Variants in IL7 observed in about 807,000 individuals in gnomAD.
IL7 encodes interleukin-7.
IL7 carries 3 observed loss-of-function variants against 21.6 expected under a neutral mutation model. The observed-to-expected ratio is 0.14, with a 90% CI of 0.06 to 0.36. The LOEUF (loss-of-function observed/expected upper bound fraction) is 0.36. Ranked by LOEUF, IL7 falls within the 10% of genes least tolerant of loss-of-function variation. The pLI is 1.00. For missense variants in IL7, 175 were observed against 200.2 expected, an observed-to-expected ratio of 0.87 and a Z score of 0.76; for synonymous variants, 62 against 68.1, an observed-to-expected ratio of 0.91 and a Z score of 0.44.
At chr8:78,735,738 G>A (rs1190686870) in intron 5 of IL7, among the ~76,000 whole-genome samples, 1 of 152,088 alleles carries the variant, frequency 6.6e-6, no homozygotes, top group African/African-American at 2.4e-5. Flanking sequence ...ATCTCAGAGT[G>A]TACAGGCTCA....
intron 3 of IL7, among the ~76,000 whole-genome samples, chr8:78,706,072 G>A (rs1003905985): frequency 2.0e-5 from 3 of 152,140 alleles, no homozygotes; most frequent in African/African-American, 7.2e-5. Flanking sequence ...AATCCTCTCT[G>A]CCTCTGGTTG....
intron 2 of IL7, among the ~76,000 whole-genome samples, chr8:78,773,393 A>C (rs1312972027): frequency 2.0e-5 from 3 of 152,282 alleles, no homozygotes; most frequent in Non-Finnish European, 2.9e-5. Flanking sequence ...ACGGTATTGA[A>C]CAAAGGATGT....
chr8:78,760,190 A>T, intron 2 of IL7: 2 of 1,541,140 alleles, frequency 1.3e-6, no homozygotes. Flanking sequence ...GCTCTGACTT[A>T]CTTGTATAGA....
chr8:78,744,242 G>C (rs1431283474), intron 2 of IL7, among the ~76,000 whole-genome samples: 1 of 152,086 alleles, frequency 6.6e-6, no homozygotes, highest in Non-Finnish European at 1.5e-5. Flanking sequence ...CTCTGTCCCA[G>C]GGAGTTTTCA....
rs555032856 is a variant in IL7, at chr8:78,787,740, C to T, written c.147+10332G>A. Reference sequence around the variant, plus strand: ...TGCTTTTCCCCAGTAGACATTTCCACGGCCTCTCTTCAAAGTGGAGTGTTA... The same window carrying T: ...TGCTTTTCCCCAGTAGACATTTCCATGGCCTCTCTTCAAAGTGGAGTGTTA... On this transcript the variant is annotated intron_variant, in intron 2 of 5. Transcript: ENST00000263851. Among the ~76,000 whole-genome samples the T allele has an allele frequency of 5.9e-5, 9 of 152,260 alleles. No individual in the cohort carries two copies. The South Asian group carries it at 6.2e-4, about 11-fold the overall frequency.
intron 3 of IL7, among the ~76,000 whole-genome samples, chr8:78,696,098 G>A (rs1810399142): frequency 6.6e-6 from 1 of 151,842 alleles, no homozygotes; most frequent in Non-Finnish European, 1.5e-5. Flanking sequence ...GCAGTGGCGT[G>A]ATCTCGGCTC....
intron 6 of IL7, chr8:78,719,003 A>C (rs1811186273): frequency 6.6e-6 from 1 of 151,742 alleles, no homozygotes; most frequent in Non-Finnish European, 1.5e-5. Context: ...TTGTCATTTT[A>C]CTTACAGTTT....
chr8:78,700,519 A>G (rs2130557965), intron 3 of IL7, among the ~76,000 whole-genome samples: 1 of 152,200 alleles, frequency 6.6e-6, no homozygotes, highest in East Asian at 1.9e-4. Context: ...ATTACAGCCC[A>G]TTTGTCAATT....
intron 3 of IL7, among the ~76,000 whole-genome samples, chr8:78,693,281 G>C (rs2130521415): frequency 6.6e-6 from 1 of 151,844 alleles, no homozygotes; most frequent in South Asian, 2.1e-4. Flanking sequence ...GGTATTTCTA[G>C]TTCTAGATCC....
intron 2 of IL7, among the ~76,000 whole-genome samples, chr8:78,741,469 A>C (rs1291556388): frequency 6.6e-6 from 1 of 152,224 alleles, no homozygotes; most frequent in African/African-American, 2.4e-5. Flanking sequence ...AAGAAGGTGA[A>C]ACGTGTAGCT....
At chr8:78,797,919 A>G (rs964700568) in intron 2 of IL7, 153 bp downstream of exon 2, 2 of 499,354 alleles carry the variant, frequency 4.0e-6, no homozygotes, top group Non-Finnish European at 7.1e-6. Flanking sequence ...GTCAGCTATA[A>G]AAATATACAG....
chr8:78,745,729 G>A (rs569597759), intron 2 of IL7, among the ~76,000 whole-genome samples: 1 of 152,322 alleles, frequency 6.6e-6, no homozygotes, highest in East Asian at 1.9e-4. Flanking sequence ...CAACAAATGA[G>A]AGGATGTTTT....
At position 78,805,044 on chromosome 8, in the gene IL7, G is replaced by A. The variant is rs1369803239; in HGVS notation, c.-122C>T. 4.7e-6 allele frequency: 5 copies of A among 1,057,570 alleles called. No individual in the cohort carries two copies. The East Asian group carries it at 1.4e-4, about 29-fold the overall frequency. 65.5% of individuals were successfully genotyped at this position (1,057,570 alleles called of 1,614,324 possible). ...GAGTTGCCGAGTCTGTGTTGGGCAG[G>A]GTGATCTCTGCAGCTGGTTCCTCTT... On this transcript the variant is annotated 5_prime_UTR_variant, in exon 1 of 6. Coordinates refer to ENST00000263851, the MANE Select transcript of IL7 (RefSeq NM_000880.4).
At chr8:78,704,615 T>C (rs1014792968) in intron 3 of IL7, among the ~76,000 whole-genome samples, 5 of 152,178 alleles carry the variant, frequency 3.3e-5, no homozygotes, top group African/African-American at 1.2e-4. Flanking sequence ...TGGGGTTCTC[T>C]ACATTTCCTG....
At chr8:78,792,870 T>G (rs958167799) in intron 2 of IL7, among the ~76,000 whole-genome samples, 9 of 152,130 alleles carry the variant, frequency 5.9e-5, no homozygotes, top group African/African-American at 2.2e-4. Context: ...TTGCAGTTTC[T>G]CAAAAAGTTT....
At chr8:78,740,866 A>G (rs1057351809) in intron 2 of IL7, among the ~76,000 whole-genome samples, 2 of 149,458 alleles carry the variant, frequency 1.3e-5, no homozygotes, top group Non-Finnish European at 3.0e-5. Flanking sequence ...TATGTGCGCT[A>G]TTTTTTTTTT....
chr8:78,704,156 C>T (rs964104050), intron 3 of IL7, among the ~76,000 whole-genome samples: 16 of 151,858 alleles, frequency 1.1e-4, no homozygotes, highest in Admixed American at 3.3e-4. Flanking sequence ...CCGAGGCGAG[C>T]GGATCACCTG....
chr8:78,699,311 G>A (rs939194101), intron 3 of IL7, among the ~76,000 whole-genome samples: 1 of 151,942 alleles, frequency 6.6e-6, no homozygotes, highest in African/African-American at 2.4e-5. Flanking sequence ...TATTAATATA[G>A]AGCCATATAT....
chr8:78,770,364 TA>T (rs56738683), intron 2 of IL7, among the ~76,000 whole-genome samples: 42,278 of 151,762 alleles, frequency 0.28, 7,908 homozygotes, highest in African/African-American at 0.53. Flanking sequence ...TAAACATTGG[TA>T]AAAAAATAGA....
Sources: gnomAD v4.1 joint callset for allele counts (sites outside exome capture counted in the v4.1 genomes callset) on GRCh38, gnomAD v4.1.1 for gene constraint, MANE v1.5 for transcripts, NCBI Gene and HGNC (gene_info 2026-07-23, HGNC 2026-07-21) for gene names.